Variants in MAGI2 observed in about 807,000 individuals in gnomAD.
MAGI2 encodes the protein membrane associated guanylate kinase, WW and PDZ domain containing 2.
MAGI2 carries 35 observed loss-of-function variants against 133.3 expected under a neutral mutation model. The ratio of observed to expected loss-of-function variants is 0.26; its 90% CI spans 0.20 to 0.35. The LOEUF (loss-of-function observed/expected upper bound fraction) is 0.35. Among genes scored for constraint, MAGI2 ranks in the 10% least tolerant of loss-of-function variants. MAGI2 has a pLI of 1.00. For synonymous variants in MAGI2, 729 were observed against 710.6 expected, an observed-to-expected ratio of 1.03 and a Z score of -0.41; for missense variants, 1,636 against 1,863.4, an observed-to-expected ratio of 0.88 and a Z score of 2.25.
At chr7:79,330,783 CATA>C (rs1840023493) in intron 1 of MAGI2, among the ~76,000 whole-genome samples, 1 of 151,946 alleles carries the variant, frequency 6.6e-6, no homozygotes, top group Admixed American at 6.6e-5. Context: ...ACATATTAAA[CATA>C]ATAATTTTAG....
intron 2 of MAGI2, among the ~76,000 whole-genome samples, chr7:78,937,750 C>A (rs2151671643): frequency 6.6e-6 from 1 of 152,194 alleles, no homozygotes; most frequent in South Asian, 2.1e-4. Context: ...GAATTAGTCC[C>A]AGCTCTGGTG....
At chr7:78,830,713 A>G (rs543980462) in intron 2 of MAGI2, among the ~76,000 whole-genome samples, 4 of 152,190 alleles carry the variant, frequency 2.6e-5, no homozygotes, top group Admixed American at 6.5e-5. Flanking sequence ...AGTGTGATTC[A>G]AGAATGCTAA....
chr7:78,287,146 C>A (rs999220352), intron 9 of MAGI2, among the ~76,000 whole-genome samples: 10 of 152,204 alleles, frequency 6.6e-5, no homozygotes, highest in African/African-American at 2.2e-4. Flanking sequence ...TAGGGTTCAA[C>A]TGGAATGTAA....
chr7:78,614,487 GA>G (rs1389682504), intron 3 of MAGI2: 13 of 152,070 alleles, frequency 8.5e-5, no homozygotes, highest in African/African-American at 3.1e-4. Context: ...CCACATACAA[GA>G]TTTCTGACTT....
chr7:79,311,396 G>T (rs1838280663), intron 1 of MAGI2, among the ~76,000 whole-genome samples: 3 of 152,104 alleles, frequency 2.0e-5, no homozygotes, highest in Non-Finnish European at 4.4e-5. Context: ...ATGAATTTGT[G>T]TTGTGCTGCA....
intron 1 of MAGI2, among the ~76,000 whole-genome samples, chr7:79,368,623 C>T (rs565873966): frequency 1.4e-4 from 22 of 151,734 alleles, no homozygotes; most frequent in African/African-American, 5.3e-4. Context: ...CCGAGGCGGG[C>T]GGATCACGAG....
chr7:78,924,808 G>A (rs1799559722), intron 2 of MAGI2, among the ~76,000 whole-genome samples: 1 of 151,308 alleles, frequency 6.6e-6, no homozygotes, highest in South Asian at 2.1e-4. Flanking sequence ...TCCCCCTACT[G>A]GAATACTTGC....
At chr7:79,344,641 G>T (rs909382803) in intron 1 of MAGI2, among the ~76,000 whole-genome samples, 1 of 152,124 alleles carries the variant, frequency 6.6e-6, no homozygotes, top group African/African-American at 2.4e-5. Context: ...CTGGAACTTC[G>T]GATTTGTACA....
Position 78,627,247 on chromosome 7 carries a change from A to C in MAGI2, c.419-8T>G. Reference sequence around the variant, plus strand: ...TATGTGGCCTTGTGGTGCCTGAATAAAGAAAAGTAAAAACAAAAGAAAGAC... The same window carrying C: ...TATGTGGCCTTGTGGTGCCTGAATACAGAAAAGTAAAAACAAAAGAAAGAC... On this transcript the variant is annotated splice_polypyrimidine_tract_variant and splice_region_variant and intron_variant, in intron 2 of 21. Coordinates refer to ENST00000354212, the MANE Select transcript of MAGI2 (RefSeq NM_012301.4). The C allele has an allele frequency of 1.3e-6, 2 of 1,527,274 alleles. No homozygotes were observed. The highest frequency in any genetic ancestry group is 8.8e-7 in the Non-Finnish European group (1 of 1,142,256). The allele number at this position is 1,527,274 out of a possible 1,614,324, so 94.6% of individuals were successfully genotyped here. A position where few individuals can be genotyped will look rare whatever the true frequency, so the allele number is the denominator to read the frequency against.
intron 2 of MAGI2, among the ~76,000 whole-genome samples, chr7:78,910,224 T>G (rs1169609835): frequency 6.6e-6 from 1 of 150,608 alleles, no homozygotes; most frequent in Admixed American, 6.6e-5. Flanking sequence ...GTAACAAACC[T>G]GCACATTTTG....
intron 4 of MAGI2, among the ~76,000 whole-genome samples, chr7:78,511,223 G>A (rs1426930711): frequency 1.3e-5 from 2 of 151,744 alleles, no homozygotes; most frequent in Admixed American, 6.6e-5. Flanking sequence ...TTTATATATG[G>A]GAAATTATGA....
intron 1 of MAGI2, among the ~76,000 whole-genome samples, chr7:79,052,588 C>T (rs150321803): frequency 1.2e-3 from 188 of 152,240 alleles, no homozygotes; most frequent in African/African-American, 4.4e-3. Flanking sequence ...TTGACCGCGT[C>T]GCTTGCTTGG....
intron 1 of MAGI2, among the ~76,000 whole-genome samples, chr7:79,182,066 C>A (rs1022919341): frequency 2.0e-5 from 3 of 152,066 alleles, no homozygotes; most frequent in Non-Finnish European, 4.4e-5. Flanking sequence ...AACTGTCCCA[C>A]ATTTTCCTGT....
intron 2 of MAGI2, among the ~76,000 whole-genome samples, chr7:78,857,235 G>A (rs201509447): frequency 0.025 from 3,871 of 151,894 alleles, 65 homozygotes; most frequent in Middle Eastern, 0.045. Flanking sequence ...CTAATTGAAT[G>A]CTATTTATTT....
At chr7:79,416,067 G>A (rs1272580332) in intron 1 of MAGI2, among the ~76,000 whole-genome samples, 2 of 152,146 alleles carry the variant, frequency 1.3e-5, no homozygotes, top group East Asian at 3.9e-4. Flanking sequence ...ATGGAAGAAT[G>A]AGTCCATAGA....
At chr7:78,409,781 A>C (rs968944163) in intron 6 of MAGI2, among the ~76,000 whole-genome samples, 1 of 152,102 alleles carries the variant, frequency 6.6e-6, no homozygotes, top group Non-Finnish European at 1.5e-5. Flanking sequence ...AAGCTTTTGC[A>C]TATGTTCCCA....
In MAGI2 at chr7:78,420,992, GT is replaced by G. The variant is rs1451619052; in HGVS notation, c.1046-51780del. 2.0e-5 allele frequency among the ~76,000 whole-genome samples: 3 copies of G among 152,192 alleles called. No individual in the cohort carries two copies. In the East Asian group the frequency reaches 5.8e-4, roughly 29 times the overall value. On this transcript the variant is annotated intron_variant, in intron 6 of 21. Coordinates refer to ENST00000354212, the MANE Select transcript of MAGI2 (RefSeq NM_012301.4). Reference sequence around the variant, plus strand: ...GTAAGGAGTACATAAAGTGTTCCAAGTTGACAAATTGGACATAAATAAATCA... The same window carrying G: ...GTAAGGAGTACATAAAGTGTTCCAAGTGACAAATTGGACATAAATAAATCA...
intron 1 of MAGI2, among the ~76,000 whole-genome samples, chr7:79,087,336 C>T (rs1403950839): frequency 6.6e-6 from 1 of 151,826 alleles, no homozygotes; most frequent in Non-Finnish European, 1.5e-5. Context: ...TGGATGAGTT[C>T]TGATTGTTCA....
intron 9 of MAGI2, among the ~76,000 whole-genome samples, chr7:78,338,133 T>C (rs1441893811): frequency 1.3e-5 from 2 of 152,240 alleles, no homozygotes; most frequent in African/African-American, 4.8e-5. Flanking sequence ...TATGACTCTA[T>C]ACTGTCTCTG....
Sources: allele counts gnomAD v4.1 joint callset (sites outside exome capture counted in the v4.1 genomes callset), GRCh38; gene constraint gnomAD v4.1.1; transcripts MANE v1.5; gene names NCBI Gene and HGNC (gene_info 2026-07-23, HGNC 2026-07-21).